Variants in LTBP1 observed in about 807,000 individuals in gnomAD.
LTBP1 encodes the protein latent transforming growth factor beta binding protein 1, also known as latent-transforming growth factor beta-binding protein 1.
In LTBP1, 129 loss-of-function variants were observed where a neutral mutation model predicts 207.6. That is an observed-to-expected ratio of 0.62 (90% CI 0.54 to 0.72). LTBP1 has a LOEUF of 0.72. Among genes scored for constraint, LTBP1 ranks in the 30% least tolerant of loss-of-function variants. The pLI is 0.00. For missense variants in LTBP1, 2,281 were observed against 2,217.2 expected (o/e 1.03, Z -0.58); for synonymous variants, 963 against 833.7 (o/e 1.16, Z -2.67).
At chr2:33,247,746 A>G (rs1423165834) in intron 10 of LTBP1, among the ~76,000 whole-genome samples, 1 of 152,232 alleles carries the variant, frequency 6.6e-6, no homozygotes, top group East Asian at 1.9e-4. Flanking sequence ...TGGCCTGTGT[A>G]ACTGAGGAAT....
At chr2:33,215,041 C>T (rs533259474) in intron 7 of LTBP1, among the ~76,000 whole-genome samples, 7 of 151,926 alleles carry the variant, frequency 4.6e-5, no homozygotes, top group African/African-American at 1.5e-4. Flanking sequence ...TTGACAGGAC[C>T]GTTTACAATC....
intron 3 of LTBP1, among the ~76,000 whole-genome samples, chr2:33,079,294 C>T (rs78051939): frequency 0.039 from 5,987 of 152,084 alleles, 188 homozygotes; most frequent in Non-Finnish European, 0.065. Context: ...CAGGACAGTA[C>T]GTGCTGTGAT....
At chr2:33,186,785 T>G in intron 5 of LTBP1, 71 bp from the exon 6 acceptor site, 1 of 1,190,296 alleles carries the variant, frequency 8.4e-7, no homozygotes, top group Non-Finnish European at 1.2e-6. Context: ...TTTTGCAGGT[T>G]TTGTTGGTTG....
chr2:33,305,669 G>T (rs1055146691), intron 22 of LTBP1, among the ~76,000 whole-genome samples: 9 of 152,156 alleles, frequency 5.9e-5, no homozygotes, highest in African/African-American at 2.2e-4. Context: ...GTGAGTTCTA[G>T]GCCATGAAAT....
At chr2:33,295,700 T>G (rs1197765228) in intron 20 of LTBP1, among the ~76,000 whole-genome samples, 5 of 152,212 alleles carry the variant, frequency 3.3e-5, no homozygotes. Flanking sequence ...TTCTGCTTAC[T>G]TTTACATCTA....
chr2:33,169,694 CA>C (rs1483715048), intron 5 of LTBP1, among the ~76,000 whole-genome samples: 2 of 151,978 alleles, frequency 1.3e-5, no homozygotes, highest in East Asian at 3.9e-4. Flanking sequence ...CTAAAATAAA[CA>C]GGAAATAGAT....
intron 23 of LTBP1, 60 bp downstream of exon 23, chr2:33,309,616 T>G: frequency 5.1e-6 from 8 of 1,561,858 alleles, no homozygotes; most frequent in Non-Finnish European, 6.9e-6. Flanking sequence ...TCTGCCATGT[T>G]GCCAGATGAT....
chr2:33,125,735 C>G (rs751899591), intron 4 of LTBP1, among the ~76,000 whole-genome samples: 2 of 151,082 alleles, frequency 1.3e-5, no homozygotes, highest in East Asian at 3.9e-4. Flanking sequence ...GAGGCTGAGG[C>G]AGGAGAATCA....
At chr2:33,341,780 T>G (rs2094628570) in intron 24 of LTBP1, among the ~76,000 whole-genome samples, 1 of 144,848 alleles carries the variant, frequency 6.9e-6, no homozygotes, top group African/African-American at 2.6e-5. Flanking sequence ...AAAGAGAAAA[T>G]GCTCAATTTT....
At chr2:33,289,285 T>A (rs538009352) in intron 19 of LTBP1, among the ~76,000 whole-genome samples, 1 of 152,256 alleles carries the variant, frequency 6.6e-6, no homozygotes, top group African/African-American at 2.4e-5. Flanking sequence ...AATTAATTCA[T>A]TGAGTGGCAA....
intron 3 of LTBP1, among the ~76,000 whole-genome samples, chr2:33,078,793 T>C (rs2149834843): frequency 6.6e-6 from 1 of 152,148 alleles, no homozygotes; most frequent in East Asian, 1.9e-4. Flanking sequence ...ACCTTTGCCC[T>C]CCTGTGTTAT....
At chr2:33,240,139 C>T (rs532471568) in intron 9 of LTBP1, among the ~76,000 whole-genome samples, 119 of 151,238 alleles carry the variant, frequency 7.9e-4, no homozygotes, top group Non-Finnish European at 1.5e-3. Context: ...AATAGAATTA[C>T]GGTTTACCAT....
chr2:33,341,729 A>AAAAAAAAATATATATAT (rs745445793), intron 24 of LTBP1, among the ~76,000 whole-genome samples: 7 of 93,620 alleles, frequency 7.5e-5, no homozygotes, highest in African/African-American at 3.6e-4. Flanking sequence ...AAAAAAAAAA[A>AAAAAAAAATATATATAT]ATATATATAT....
intron 2 of LTBP1, among the ~76,000 whole-genome samples, chr2:32,991,078 G>T (rs558607627): frequency 6.6e-6 from 1 of 152,276 alleles, no homozygotes; most frequent in South Asian, 2.1e-4. Flanking sequence ...TATGGCTTGA[G>T]GAGAAGAAAG....
chr2:33,013,584 C>T (rs1312894118), intron 2 of LTBP1, among the ~76,000 whole-genome samples: 1 of 151,452 alleles, frequency 6.6e-6, no homozygotes, highest in Non-Finnish European at 1.5e-5. Context: ...CATTGAATGC[C>T]TGTGATTAAA....
intron 3 of LTBP1, among the ~76,000 whole-genome samples, chr2:33,064,609 G>A (rs1433045725): frequency 6.6e-6 from 1 of 152,194 alleles, no homozygotes; most frequent in Non-Finnish European, 1.5e-5. Context: ...GGGGCTGCTA[G>A]CCAACTTTGC....
chr2:33,126,343 C>T (rs2081434616), intron 4 of LTBP1, among the ~76,000 whole-genome samples: 1 of 152,196 alleles, frequency 6.6e-6, no homozygotes, highest in Non-Finnish European at 1.5e-5. Context: ...GCAGGGATTA[C>T]AGGCATTAGC....
At chr2:33,310,299 A>G (rs1017782138) in intron 23 of LTBP1, among the ~76,000 whole-genome samples, 2 of 152,184 alleles carry the variant, frequency 1.3e-5, no homozygotes, top group African/African-American at 4.8e-5. Context: ...GGTCAAAATC[A>G]TGAAGAAGAG....
chr2:32,948,564 G>T (rs1036630331), intron 1 of LTBP1, among the ~76,000 whole-genome samples: 2 of 152,140 alleles, frequency 1.3e-5, no homozygotes, highest in African/African-American at 4.8e-5. Context: ...CCAGATAATA[G>T]AAAAAATAAA....
Sources: gnomAD v4.1 joint callset for allele counts (sites outside exome capture counted in the v4.1 genomes callset) on GRCh38, gnomAD v4.1.1 for gene constraint, MANE v1.5 for transcripts, NCBI Gene and HGNC (gene_info 2026-07-23, HGNC 2026-07-21) for gene names.